The following TOX variants were observed in gnomAD, a reference collection of about 807,000 sequenced individuals.
The protein encoded by TOX is thymocyte selection associated high mobility group box.
In TOX, 11 loss-of-function variants were observed where a neutral mutation model predicts 53.7. The observed-to-expected ratio is 0.20, with a 90% confidence interval of 0.13 to 0.34. The LOEUF is 0.34. Among genes scored for constraint, TOX ranks in the 10% least tolerant of loss-of-function variants. The probability of loss-of-function intolerance (pLI) is 1.00; values close to 1 mark genes in which losing one functional copy is unlikely to be tolerated. For synonymous variants in TOX, 225 were observed against 245.3 expected (o/e 0.92, Z 0.77); for missense variants, 570 against 664.6 (o/e 0.86, Z 1.56).
At chr8:58,994,614 C>T (rs1268858562) in intron 1 of TOX, among the ~76,000 whole-genome samples, 1 of 152,098 alleles carries the variant, frequency 6.6e-6, no homozygotes, top group Non-Finnish European at 1.5e-5. Context: ...ATAAAGATAA[C>T]AGGATACATA....
intron 3 of TOX, among the ~76,000 whole-genome samples, chr8:58,860,777 G>A (rs1476723655): frequency 2.0e-5 from 3 of 152,158 alleles, no homozygotes; most frequent in Non-Finnish European, 4.4e-5. Context: ...TATAACCTGG[G>A]TTTTAATAGC....
intron 1 of TOX, among the ~76,000 whole-genome samples, chr8:59,057,292 A>G (rs310369): frequency 0.95 from 144,007 of 152,216 alleles, 68,172 homozygotes; most frequent in African/African-American, 0.97. Context: ...AAAAAAAATC[A>G]CATACAAATA....
At chr8:59,053,398 C>A (rs550413616) in intron 1 of TOX, among the ~76,000 whole-genome samples, 3 of 152,290 alleles carry the variant, frequency 2.0e-5, no homozygotes, top group African/African-American at 7.2e-5. Context: ...GCGCTCACAC[C>A]ACACTGCCTC....
intron 1 of TOX, among the ~76,000 whole-genome samples, chr8:58,964,881 G>GTA: frequency 6.6e-6 from 1 of 151,988 alleles, no homozygotes; most frequent in South Asian, 2.1e-4. Flanking sequence ...GTGTGTGTGT[G>GTA]TGTGTGTGTG....
intron 1 of TOX, among the ~76,000 whole-genome samples, chr8:59,101,322 C>G (rs1804804566): frequency 1.3e-5 from 2 of 152,130 alleles, no homozygotes; most frequent in Non-Finnish European, 2.9e-5. Flanking sequence ...CACAAAATAA[C>G]CATTCGGAAA....
intron 1 of TOX, among the ~76,000 whole-genome samples, chr8:59,034,666 A>T (rs909459063): frequency 2.0e-5 from 3 of 152,202 alleles, no homozygotes; most frequent in Non-Finnish European, 4.4e-5. Context: ...ATTTCTAAGC[A>T]GCATCTCACC....
At chr8:58,839,001 T>C (rs1810597701) in intron 4 of TOX, among the ~76,000 whole-genome samples, 1 of 152,090 alleles carries the variant, frequency 6.6e-6, no homozygotes, top group African/African-American at 2.4e-5. Context: ...TGCCCAGCCA[T>C]CCTTGTCTTT....
chr8:58,978,833 C>T (rs1223368079), intron 1 of TOX, among the ~76,000 whole-genome samples: 1 of 152,194 alleles, frequency 6.6e-6, no homozygotes, highest in Non-Finnish European at 1.5e-5. Flanking sequence ...CATGTATCCA[C>T]CACTGTAGTG....
At chr8:59,036,545 A>G (rs1016905121) in intron 1 of TOX, among the ~76,000 whole-genome samples, 2 of 152,182 alleles carry the variant, frequency 1.3e-5, no homozygotes, top group African/African-American at 4.8e-5. Flanking sequence ...TCCTAAACAC[A>G]CCTATGTCCA....
chr8:58,886,887 T>C (rs896198492), intron 3 of TOX, among the ~76,000 whole-genome samples: 1 of 151,122 alleles, frequency 6.6e-6, no homozygotes, highest in Non-Finnish European at 1.5e-5. Context: ...TTCAATGTGT[T>C]AAAGGTAGTT....
chr8:58,900,758 T>C (rs902463835), intron 3 of TOX, among the ~76,000 whole-genome samples: 12 of 152,110 alleles, frequency 7.9e-5, no homozygotes, highest in Non-Finnish European at 1.3e-4. Flanking sequence ...GTGAAATATA[T>C]GTATTTCTCC....
At position 58,871,628 on chromosome 8, in the gene TOX, G is replaced by A. The variant is rs150334856; in HGVS notation, c.412-19823C>T. On this transcript the variant is annotated intron_variant, in intron 3 of 8. Transcript: ENST00000361421. ...AGTTCATAAAGTTGCTTCCCAAGTG[G>A]GCATGGGTTTACTTACAAATTGGAT... is the stretch of plus-strand genomic sequence containing the variant. Among the ~76,000 whole-genome samples the A allele has an allele frequency of 4.0e-3, 602 of 152,166 alleles. 6 individuals are homozygous for A. Among genetic ancestry groups the A allele is most frequent in the African/African-American group, 0.014 (575 of 41,498 alleles).
intron 2 of TOX, among the ~76,000 whole-genome samples, chr8:58,947,500 A>G (rs2129177232): frequency 6.6e-6 from 1 of 152,314 alleles, no homozygotes; most frequent in Non-Finnish European, 1.5e-5. Flanking sequence ...ACAAAGATAA[A>G]AATGTTTTAT....
chr8:58,816,325 G>A (rs926088176), intron 6 of TOX, among the ~76,000 whole-genome samples: 36 of 152,172 alleles, frequency 2.4e-4, no homozygotes, highest in Admixed American at 2.3e-3. Context: ...TTAAAATGAA[G>A]TTGGTGATGA....
At chr8:58,944,777 T>C (rs927785338) in intron 2 of TOX, among the ~76,000 whole-genome samples, 2 of 152,234 alleles carry the variant, frequency 1.3e-5, no homozygotes, top group Non-Finnish European at 2.9e-5. Context: ...AACGGATTTA[T>C]ACATGCCATG....
chr8:58,919,196 A>G (rs1812031519), intron 3 of TOX, among the ~76,000 whole-genome samples: 1 of 150,068 alleles, frequency 6.7e-6, no homozygotes, highest in South Asian at 2.1e-4. Flanking sequence ...ACAGAATTGG[A>G]AAAAACTACT....
rs146064261 is a variant in TOX, at chr8:58,880,759, G to C, written c.412-28954C>G. Among the ~76,000 whole-genome samples the C allele has an allele frequency of 1.3e-4, 20 of 152,310 alleles. No individual in the cohort carries two copies. In the East Asian group the frequency reaches 3.9e-3, roughly 29 times the overall value. On this transcript the variant is annotated intron_variant, in intron 3 of 8. Coordinates refer to ENST00000361421, the MANE Select transcript of TOX (RefSeq NM_014729.3). ...TTTGAAGCTTATAAATAATGTTTCT[G>C]TGCTGTCCAGCTAAGTTATTTATGG...
chr8:58,880,250 T>C (rs938032434), intron 3 of TOX, among the ~76,000 whole-genome samples: 5 of 152,206 alleles, frequency 3.3e-5, no homozygotes, highest in African/African-American at 1.2e-4. Context: ...GACAATGGCA[T>C]TGCAGAGTGA....
chr8:59,056,318 G>A (rs763746519), intron 1 of TOX, among the ~76,000 whole-genome samples: 7 of 150,668 alleles, frequency 4.6e-5, no homozygotes, highest in Admixed American at 4.0e-4. Context: ...TGTAGTCCCC[G>A]CTACTAGGGA....
Sources: allele counts gnomAD v4.1 joint callset (sites outside exome capture counted in the v4.1 genomes callset), GRCh38; gene constraint gnomAD v4.1.1; transcripts MANE v1.5; gene names NCBI Gene and HGNC (gene_info 2026-07-23, HGNC 2026-07-21).